The following PLSCR5 variants were observed in gnomAD, a reference collection of about 807,000 sequenced individuals.
PLSCR5 encodes phospholipid scramblase family member 5.
PLSCR5 carries 44 observed loss-of-function variants against 33.6 expected under a neutral mutation model. That is an observed-to-expected ratio of 1.31 (90% confidence interval 1.03 to 1.69). PLSCR5 has a LOEUF of 1.69. Ranked by LOEUF, PLSCR5 falls within the 40% of genes most tolerant of loss-of-function variation. The probability of loss-of-function intolerance (pLI) is 0.00; values close to 1 mark genes in which losing one functional copy is unlikely to be tolerated. For synonymous variants in PLSCR5, 148 were observed against 112.3 expected (o/e 1.32, Z -2.01); for missense variants, 375 against 318.7 (o/e 1.18, Z -1.34).
chr3:146,593,903 C>T lies in PLSCR5; in HGVS notation c.453+17G>A. On this transcript the variant is annotated intron_variant, in intron 4 of 7. Coordinates refer to ENST00000443512, the MANE Select transcript of PLSCR5 (RefSeq NM_001085420.2). The stretch of plus-strand genomic sequence containing the variant: ...AATCTTAAAAATCAAAAAGGACAAC[C>T]AGAGCCAGTAACTAACCTCTTGTAG... The T allele has an allele frequency of 6.2e-7, 1 of 1,602,838 alleles. No homozygotes were observed.
downstream of PLSCR5, among the ~76,000 whole-genome samples, chr3:146,582,642 G>A (rs997487981): frequency 5.9e-5 from 9 of 152,010 alleles, no homozygotes; most frequent in Middle Eastern, 3.4e-3. Flanking sequence ...AAAGAACTTC[G>A]GAAAAATTTA....
chr3:146,604,599 A>G (rs1434663687), intron 1 of PLSCR5, among the ~76,000 whole-genome samples: 1 of 152,084 alleles, frequency 6.6e-6, no homozygotes, highest in East Asian at 1.9e-4. Context: ...TATATCACAT[A>G]ATTTGAATAA....
chr3:146,578,779 A>G (rs1364109494), intron 7 of PLSCR5, among the ~76,000 whole-genome samples: 2 of 152,094 alleles, frequency 1.3e-5, no homozygotes, highest in African/African-American at 2.4e-5. Context: ...CAAAATATCA[A>G]ATTTTAATAT....
intron 1 of PLSCR5, among the ~76,000 whole-genome samples, chr3:146,601,451 A>AT (rs1332330248): frequency 6.6e-6 from 1 of 152,090 alleles, no homozygotes; most frequent in Non-Finnish European, 1.5e-5. Flanking sequence ...CAGTTAGTTT[A>AT]TCCACATTAT....
At chr3:146,584,727 A>C (rs745348902), downstream of PLSCR5, among the ~76,000 whole-genome samples, 18 of 152,186 alleles carry the variant, frequency 1.2e-4, no homozygotes, top group Non-Finnish European at 2.1e-4. Flanking sequence ...GTTATACAGC[A>C]TAAAGCCCTT....
At chr3:146,578,830 A>G (rs1185399605) in intron 7 of PLSCR5, among the ~76,000 whole-genome samples, 2 of 152,106 alleles carry the variant, frequency 1.3e-5, no homozygotes, top group Non-Finnish European at 2.9e-5. Context: ...TTTTTTAAAA[A>G]CAATATATTT....
rs1164165988 is a variant in PLSCR5, at chr3:146,594,082, T to C, written c.291A>G (p.Arg97=). ...KYEIKNSLGQ[R]IYFAVEESIC... ...TGCTTTCCTCCACTGCAAAGTAAATTCTTTGTCCCAAGCTGTTTTTAATCT... is the reference window on the plus strand; with the variant it reads ...TGCTTTCCTCCACTGCAAAGTAAATCCTTTGTCCCAAGCTGTTTTTAATCT... The change falls in exon 4 of 8, where the codon AGA becomes AGG. Residue 97 remains arginine, a synonymous_variant. Coordinates refer to ENST00000443512, the MANE Select transcript of PLSCR5 (RefSeq NM_001085420.2). The C allele has an allele frequency of 1.9e-5, 31 of 1,613,712 alleles. No individual in the cohort carries two copies. Among genetic ancestry groups the C allele is most frequent in the African/African-American group, 5.3e-5 (4 of 74,908 alleles).
At chr3:146,599,701 C>G (rs1237623032) in intron 2 of PLSCR5, among the ~76,000 whole-genome samples, 1 of 145,962 alleles carries the variant, frequency 6.9e-6, no homozygotes, top group Non-Finnish European at 1.5e-5. Flanking sequence ...TTTTCCAAGG[C>G]AAGTCTCACT....
At chr3:146,587,360 A>C (rs2107848867) in intron 6 of PLSCR5, among the ~76,000 whole-genome samples, 1 of 152,346 alleles carries the variant, frequency 6.6e-6, no homozygotes, top group South Asian at 2.1e-4. Flanking sequence ...AATAAGAAAA[A>C]CTGATAAGGT....
chr3:146,605,234 T>C lies in PLSCR5; in HGVS notation c.-22A>G, dbSNP rs1392346438. ...CCATGAAGATGTCTGAGTCACTTCT[T>C]CAAAGGTTGCCAGGTTGGAAAACAA... is the stretch of plus-strand genomic sequence containing the variant. On this transcript the variant is annotated 5_prime_UTR_variant, in exon 1 of 8. Transcript: ENST00000443512. 2.5e-6 allele frequency: 4 copies of C among 1,611,218 alleles called. No homozygotes were observed. The African/African-American group carries it at 5.3e-5, about 22-fold the overall frequency.
At chr3:146,602,426 AATG>A (rs2044825756) in intron 1 of PLSCR5, among the ~76,000 whole-genome samples, 2 of 152,188 alleles carry the variant, frequency 1.3e-5, no homozygotes, top group African/African-American at 4.8e-5. Context: ...ACTAGTTCAC[AATG>A]ATAAAATCCA....
At chr3:146,604,854 TTTC>T (rs2044851143) in intron 1 of PLSCR5, among the ~76,000 whole-genome samples, 1 of 152,118 alleles carries the variant, frequency 6.6e-6, no homozygotes, top group Non-Finnish European at 1.5e-5. Context: ...TGTGAAAAGT[TTTC>T]TTCAAATCCT....
intron 6 of PLSCR5, among the ~76,000 whole-genome samples, chr3:146,586,707 G>A (rs921240657): frequency 1.5e-4 from 22 of 151,690 alleles, no homozygotes; most frequent in Admixed American, 7.2e-4. Flanking sequence ...TTGTGAAGCC[G>A]TATCTTGGAA....
intron 2 of PLSCR5, 101 bp from the exon 3 acceptor site, chr3:146,595,184 G>A (rs2044749115): frequency 5.3e-6 from 3 of 570,118 alleles, no homozygotes. Flanking sequence ...CATAAAATTA[G>A]TGATTTTCAT....
chr3:146,593,039 T>C (rs2044728700), intron 4 of PLSCR5, among the ~76,000 whole-genome samples: 1 of 152,132 alleles, frequency 6.6e-6, no homozygotes. Context: ...GAAACTTCCC[T>C]AAATAACCAT....
rs2044695772 is a variant in PLSCR5, at chr3:146,589,644, C to T, written c.777+9G>A. The T allele has an allele frequency of 8.3e-6, 13 of 1,562,784 alleles. No homozygotes were observed. Among genetic ancestry groups the T allele is most frequent in the Non-Finnish European group, 1.1e-5 (13 of 1,144,488 alleles). On this transcript the variant is annotated intron_variant, in intron 6 of 7. Transcript: ENST00000443512. ...ACAAATCACTCATGCTCTCAAAGCC[C>T]ATACTTACAAAGAGAAAACAGGCAC...
chr3:146,593,823 G>A, intron 4 of PLSCR5, 97 bp downstream of exon 4: 2 of 1,076,152 alleles, frequency 1.9e-6, no homozygotes, highest in Non-Finnish European at 2.8e-6. Flanking sequence ...TAAAACAACT[G>A]GCAGGTTAAT....
chr3:146,580,517 T>G (rs1245168436), intron 7 of PLSCR5, among the ~76,000 whole-genome samples: 1 of 134,996 alleles, frequency 7.4e-6, no homozygotes, highest in African/African-American at 2.9e-5. Context: ...CAGGCTGGAG[T>G]GCAGTGGTAC....
chr3:146,595,858 T>C (rs1018061912), intron 2 of PLSCR5, among the ~76,000 whole-genome samples: 3 of 152,182 alleles, frequency 2.0e-5, no homozygotes, highest in African/African-American at 7.2e-5. Flanking sequence ...TCTGTCAAAC[T>C]GCAACTCATA....
Sources: allele counts gnomAD v4.1 joint callset (sites outside exome capture counted in the v4.1 genomes callset), GRCh38; gene constraint gnomAD v4.1.1; transcripts MANE v1.5; gene names NCBI Gene and HGNC (gene_info 2026-07-23, HGNC 2026-07-21).